SNX18: variants seen among roughly 807,000 people sequenced by gnomAD.
The protein encoded by SNX18 is sorting nexin-18.
In SNX18, 35 loss-of-function variants were observed where a neutral mutation model predicts 48.7. That is an observed-to-expected ratio of 0.72 (90% confidence interval 0.55 to 0.95). SNX18 has a LOEUF of 0.95. Ranked by LOEUF, SNX18 falls within the 40% of genes least tolerant of loss-of-function variation. The probability of loss-of-function intolerance (pLI) is 0.00; values close to 1 mark genes in which losing one functional copy is unlikely to be tolerated. For missense variants in SNX18, 824 were observed against 871.0 expected, an observed-to-expected ratio of 0.95 and a Z score of 0.68; for synonymous variants, 492 against 384.7, an observed-to-expected ratio of 1.28 and a Z score of -3.26.
chr5:54,635,457 T>C, the SNX18 span, among the ~76,000 whole-genome samples: 1 of 152,188 alleles, frequency 6.6e-6, no homozygotes, highest in Non-Finnish European at 1.5e-5. Flanking sequence ...TCTGATCTTC[T>C]TCTGCTCCAG....
At chr5:54,572,752 GTGTA>G in the SNX18 span, among the ~76,000 whole-genome samples, 2 of 39,510 alleles carry the variant, frequency 5.1e-5, no homozygotes, top group Middle Eastern at 0.015. Flanking sequence ...GTGTGTGTGT[GTGTA>G]TATATATATA....
At chr5:54,633,539 G>A in the SNX18 span, among the ~76,000 whole-genome samples, 1 of 152,176 alleles carries the variant, frequency 6.6e-6, no homozygotes, top group Non-Finnish European at 1.5e-5. Context: ...GCTGATATTA[G>A]TAGCTGTAGG....
the SNX18 span, among the ~76,000 whole-genome samples, chr5:54,632,986 G>T: frequency 6.6e-6 from 1 of 152,008 alleles, no homozygotes; most frequent in Non-Finnish European, 1.5e-5. Flanking sequence ...AGTTGGCCAG[G>T]ATGGTCTCGA....
At chr5:54,552,408 G>C in the SNX18 span, among the ~76,000 whole-genome samples, 16 of 152,302 alleles carry the variant, frequency 1.1e-4, no homozygotes, top group East Asian at 2.9e-3. Context: ...CCCTTAATAA[G>C]ATGAAAAAGT....
chr5:54,519,644 A>G (rs750490708), intron 1 of SNX18, 71 bp downstream of exon 1: 2 of 1,614,226 alleles, frequency 1.2e-6, no homozygotes, highest in South Asian at 1.1e-5. Context: ...CTTTGACAGC[A>G]GTACCACTGT....
chr5:54,569,967 G>T, the SNX18 span, among the ~76,000 whole-genome samples: 1 of 152,172 alleles, frequency 6.6e-6, no homozygotes, highest in Non-Finnish European at 1.5e-5. Flanking sequence ...ATATAACATG[G>T]ACAGTGTACT....
At chr5:54,533,454 C>T (rs933732612) in intron 1 of SNX18, among the ~76,000 whole-genome samples, 2 of 152,140 alleles carry the variant, frequency 1.3e-5, no homozygotes, top group African/African-American at 4.8e-5. Context: ...TCCTAGGAGG[C>T]GTTGGGTACT....
chr5:54,532,073 G>A (rs970105061), intron 1 of SNX18, among the ~76,000 whole-genome samples: 1 of 152,170 alleles, frequency 6.6e-6, no homozygotes, highest in African/African-American at 2.4e-5. Flanking sequence ...AAGAGCAGGG[G>A]CCACTTTACT....
At chr5:54,604,429 G>T in the SNX18 span, among the ~76,000 whole-genome samples, 1 of 152,116 alleles carries the variant, frequency 6.6e-6, no homozygotes. Flanking sequence ...AAATACTATT[G>T]TCTTAAGAAA....
chr5:54,557,274 G>A, the SNX18 span, among the ~76,000 whole-genome samples: 2 of 152,222 alleles, frequency 1.3e-5, no homozygotes, highest in African/African-American at 4.8e-5. Context: ...AGTGCAGAAT[G>A]CATGGCAGGG....
chr5:54,612,519 T>A, the SNX18 span, among the ~76,000 whole-genome samples: 1 of 152,112 alleles, frequency 6.6e-6, no homozygotes, highest in African/African-American at 2.4e-5. Context: ...GGTCTCGGCC[T>A]CCCAAAGTGC....
chr5:54,603,369 G>C, the SNX18 span, among the ~76,000 whole-genome samples: 2 of 151,998 alleles, frequency 1.3e-5, no homozygotes, highest in Admixed American at 1.3e-4. Context: ...GCTTCCCAAA[G>C]TATTGGGACA....
At chr5:54,569,594 T>C in the SNX18 span, among the ~76,000 whole-genome samples, 1 of 152,184 alleles carries the variant, frequency 6.6e-6, no homozygotes, top group African/African-American at 2.4e-5. Context: ...TTCACTTTCA[T>C]GGCTGGCACC....
chr5:54,643,386 G>A, the SNX18 span, among the ~76,000 whole-genome samples: 3 of 152,098 alleles, frequency 2.0e-5, no homozygotes, highest in African/African-American at 7.2e-5. Flanking sequence ...ATAAATAGAT[G>A]TGAAAAACAC....
At chr5:54,560,841 T>C in the SNX18 span, among the ~76,000 whole-genome samples, 1 of 152,104 alleles carries the variant, frequency 6.6e-6, no homozygotes, top group South Asian at 2.1e-4. Flanking sequence ...CTTGGAACCA[T>C]CAAGCAGATC....
At chr5:54,531,985 G>A (rs570366507) in intron 1 of SNX18, among the ~76,000 whole-genome samples, 6 of 152,316 alleles carry the variant, frequency 3.9e-5, no homozygotes, top group Admixed American at 6.5e-5. Flanking sequence ...ATGAACCACA[G>A]TGCACTCAGA....
chr5:54,589,273 C>A, the SNX18 span, among the ~76,000 whole-genome samples: 1 of 152,104 alleles, frequency 6.6e-6, no homozygotes, highest in African/African-American at 2.4e-5. Context: ...GCTCTCAGGG[C>A]AGCTGCCCTC....
chr5:54,612,149 T>C, the SNX18 span, among the ~76,000 whole-genome samples: 1 of 152,238 alleles, frequency 6.6e-6, no homozygotes, highest in African/African-American at 2.4e-5. Context: ...GTTAATATTA[T>C]TGTTAGTAAT....
At chr5:54,604,418 G>T in the SNX18 span, among the ~76,000 whole-genome samples, 1 of 152,150 alleles carries the variant, frequency 6.6e-6, no homozygotes, top group Non-Finnish European at 1.5e-5. Flanking sequence ...TACATACAAT[G>T]AAATACTATT....
Sources: allele counts gnomAD v4.1 joint callset (sites outside exome capture counted in the v4.1 genomes callset), GRCh38; gene constraint gnomAD v4.1.1; transcripts MANE v1.5; gene names NCBI Gene and HGNC (gene_info 2026-07-23, HGNC 2026-07-21).